The following ENO1 variants were observed in gnomAD, a reference collection of about 807,000 sequenced individuals.
ENO1 encodes the protein enolase 1, also known as alpha-enolase.
ENO1 carries 33 observed loss-of-function variants against 46.3 expected under a neutral mutation model. The ratio of observed to expected loss-of-function variants is 0.71; its 90% CI spans 0.54 to 0.95. The LOEUF is 0.95. Ranked by LOEUF, ENO1 falls within the 40% of genes least tolerant of loss-of-function variation. ENO1 has a pLI of 0.00. For synonymous variants in ENO1, 220 were observed against 216.0 expected (o/e 1.02, Z -0.16); for missense variants, 488 against 553.3 (o/e 0.88, Z 1.18).
At position 8,866,310 on chromosome 1, in the gene ENO1, C is replaced by T. The variant is rs771242720; in HGVS notation, c.636G>A (p.Gly212=). The T allele has an allele frequency of 6.2e-7, 1 of 1,614,120 alleles. No individual in the cohort carries two copies. Among genetic ancestry groups the T allele is most frequent in the Non-Finnish European group, 8.5e-7 (1 of 1,180,008 alleles). The stretch of plus-strand genomic sequence containing the variant: ...TATTCTCCAGGATGTTGGGAGCAAA[C>T]CCGCCTTCATCCCCCACATTGGTGG... ...KDATNVGDEG[G]FAPNILENKE... The change falls in exon 7 of 12, where the codon GGG becomes GGA. Residue 212 remains glycine (G), a synonymous_variant. Coordinates refer to ENST00000234590, the MANE Select transcript of ENO1 (RefSeq NM_001428.5).
In ENO1 at chr1:8,867,161, T is replaced by G; in HGVS notation, c.400A>C (p.Ile134Leu). 1 of 1,614,138 alleles carries G rather than the reference T, an allele frequency of 6.2e-7. No individual in the cohort carries two copies. The highest frequency in any genetic ancestry group is 8.5e-7 in the Non-Finnish European group (1 of 1,180,000). ...VEKGVPLYRH[I>L]ADLAGNSEVI... ...TCAGAGTTGCCAGCCAAGTCAGCGA[T>G]GTGGCGGTACAGGGGGACCCCCTTC... Residue 134 changes from isoleucine (I) to leucine (L), a missense_variant, in exon 6 of 12, where the codon ATC (isoleucine) becomes CTC (leucine). Ile to Leu is a conservative substitution (Grantham distance 5, BLOSUM62 2). Coordinates refer to ENST00000234590, the MANE Select transcript of ENO1 (RefSeq NM_001428.5).
chr1:8,870,701 G>A (rs1325873522), intron 3 of ENO1, 191 bp from the exon 4 acceptor site: 3 of 1,449,956 alleles, frequency 2.1e-6, no homozygotes, highest in East Asian at 2.5e-5. Context: ...CTCCTACCTA[G>A]GACCCCAGAG....
intron 11 of ENO1, among the ~76,000 whole-genome samples, chr1:8,861,991 C>T (rs894805186): frequency 2.7e-5 from 4 of 149,790 alleles, no homozygotes; most frequent in African/African-American, 9.8e-5. Flanking sequence ...ATTAAAAATA[C>T]AAAACAATTA....
In ENO1 at chr1:8,865,271, C is replaced by T. The variant is rs373095170; in HGVS notation, c.865+14G>A. On this transcript the variant is annotated intron_variant, in intron 8 of 11. Transcript: ENST00000234590. Reference sequence around the variant, plus strand: ...AGTGGCAGGAAAGGGAGATGGCACTCGGGGAACACTCACCTGGGTAGTCCT... The same window carrying T: ...AGTGGCAGGAAAGGGAGATGGCACTTGGGGAACACTCACCTGGGTAGTCCT... 2.8e-5 allele frequency: 45 copies of T among 1,613,158 alleles called. No homozygotes were observed. The highest frequency in any genetic ancestry group is 1.1e-4 in the East Asian group (5 of 44,862).
At chr1:8,870,852 C>T in intron 3 of ENO1, 1 of 1,331,580 alleles carries the variant, frequency 7.5e-7, no homozygotes, top group East Asian at 2.6e-5. Flanking sequence ...GTGCCAGGAA[C>T]TCATTAATAT....
chr1:8,866,076 C>CAAAAAAAAAAA (rs70985533), intron 7 of ENO1: 6 of 365,528 alleles, frequency 1.6e-5, no homozygotes, highest in East Asian at 5.1e-5. Context: ...GACTCCATCT[C>CAAAAAAAAAAA]AAAAAAAAAA....
intron 5 of ENO1, among the ~76,000 whole-genome samples, chr1:8,867,646 G>A (rs570501498): frequency 1.1e-4 from 17 of 151,902 alleles, no homozygotes; most frequent in South Asian, 1.0e-3. Context: ...AGCTCCGCCC[G>A]GGACCATTCT....
chr1:8,869,256 CGT>C lies in ENO1; in HGVS notation c.240+1194_240+1195del, dbSNP rs1184628615. On this transcript the variant is annotated intron_variant, in intron 4 of 11. Coordinates refer to ENST00000234590, the MANE Select transcript of ENO1 (RefSeq NM_001428.5). ...AAAAAAGTCAGGGGATCCTGCTCAT[CGT>C]GTGAGTCACACTATGCAGGGGTATG... Among the ~76,000 whole-genome samples the C allele has an allele frequency of 5.3e-5, 8 of 152,166 alleles. No individual in the cohort carries two copies. The East Asian group carries it at 1.4e-3, about 26-fold the overall frequency.
At chr1:8,878,137 C>T (rs907654505) in intron 1 of ENO1, 6 of 156,068 alleles carry the variant, frequency 3.8e-5, no homozygotes, top group Non-Finnish European at 8.5e-5. Flanking sequence ...TCCACTATCG[C>T]CGCCCTCCTC....
chr1:8,861,571 A>G, intron 11 of ENO1, 142 bp from the exon 12 acceptor site: 1 of 769,016 alleles, frequency 1.3e-6, no homozygotes, highest in Non-Finnish European at 2.1e-6. Context: ...CAGTTTGTCC[A>G]CCTTCTTTAA....
chr1:8,863,937 G>A lies in ENO1; in HGVS notation c.1021C>T (p.Leu341=). The change falls in exon 9 of 12, where the codon CTG becomes TTG. Residue 341 remains leucine (L), a synonymous_variant. Coordinates refer to ENST00000234590, the MANE Select transcript of ENO1 (RefSeq NM_001428.5). The stretch of plus-strand genomic sequence containing the variant: ...GAGCCAATCTGGTTGACTTTGAGCA[G>A]GAGGCAGTTGCAGGACTTCTCGTTC... ...AVNEKSCNCL[L]LKVNQIGSVT... The A allele has an allele frequency of 2.5e-6, 4 of 1,614,056 alleles. No individual in the cohort carries two copies. The South Asian group carries it at 4.4e-5, about 18-fold the overall frequency.
intron 3 of ENO1, 178 bp from the exon 4 acceptor site, chr1:8,870,688 G>A: frequency 1.5e-5 from 22 of 1,470,222 alleles, no homozygotes; most frequent in Non-Finnish European, 2.0e-5. Flanking sequence ...CCCAGTCTGA[G>A]TGCTCCTACC....
rs539010442 is a variant in ENO1 at position 8,861,546 on chromosome 1, G to A, written c.1236-117C>T. 8.3e-5 allele frequency: 78 copies of A among 942,518 alleles called. 1 individual carries two copies. In the Admixed American group the frequency reaches 1.7e-3, roughly 21 times the overall value. The allele number at this position is 942,518 out of a possible 1,614,324, so 58.4% of individuals were successfully genotyped here. On this transcript the variant is annotated intron_variant, in intron 11 of 11. Transcript: ENST00000234590. ...CACAGCCCCACTCCTGGGAAGTTGA[G>A]AACACAGAACTCTCCAGTTTGTCCA...
At chr1:8,865,598 A>G (rs1642494737) in intron 7 of ENO1, 116 bp from the exon 8 acceptor site, 1 of 987,870 alleles carries the variant, frequency 1.0e-6, no homozygotes, top group South Asian at 1.5e-5. Flanking sequence ...TCAGGCCCCA[A>G]CCAGTAGTTC....
At chr1:8,868,507 G>T (rs1432147544) in intron 4 of ENO1, among the ~76,000 whole-genome samples, 1 of 152,150 alleles carries the variant, frequency 6.6e-6, no homozygotes, top group Non-Finnish European at 1.5e-5. Flanking sequence ...TAACTGCAAA[G>T]ATGGCAAATC....
chr1:8,871,013 A>G (rs1439420583), intron 3 of ENO1: 3 of 1,241,688 alleles, frequency 2.4e-6, no homozygotes, highest in Non-Finnish European at 3.0e-6. Context: ...CATGCGTTCA[A>G]TCTTCCACAA....
In ENO1 at chr1:8,865,272, G is replaced by A. The variant is rs72641527; in HGVS notation, c.865+13C>T. On this transcript the variant is annotated intron_variant, in intron 8 of 11. Transcript: ENST00000234590. ...GTGGCAGGAAAGGGAGATGGCACTCGGGGAACACTCACCTGGGTAGTCCTT... is the reference window on the plus strand; with the variant it reads ...GTGGCAGGAAAGGGAGATGGCACTCAGGGAACACTCACCTGGGTAGTCCTT... 2.3e-5 allele frequency: 37 copies of A among 1,613,236 alleles called. No individual in the cohort carries two copies. The highest frequency in any genetic ancestry group is 1.9e-4 in the African/African-American group (14 of 74,994).
At chr1:8,866,221 A>G (rs1642510245) in intron 7 of ENO1, 58 bp downstream of exon 7, 5 of 1,497,844 alleles carry the variant, frequency 3.3e-6, no homozygotes, top group Non-Finnish European at 4.6e-6. Context: ...ACGACCCCCC[A>G]ACAGAGGGAG....
intron 9 of ENO1, 144 bp from the exon 10 acceptor site, chr1:8,863,487 G>T: frequency 2.5e-6 from 2 of 793,708 alleles, no homozygotes; most frequent in Non-Finnish European, 3.9e-6. Flanking sequence ...TTTGTCAAGA[G>T]CACAGAGGAG....
Sources: gnomAD v4.1 joint callset for allele counts (sites outside exome capture counted in the v4.1 genomes callset) on GRCh38, gnomAD v4.1.1 for gene constraint, MANE v1.5 for transcripts, NCBI Gene and HGNC (gene_info 2026-07-23, HGNC 2026-07-21) for gene names.